DCC: variants seen among roughly 807,000 people sequenced by gnomAD.
DCC encodes the protein DCC netrin 1 receptor, also known as netrin receptor DCC.
Under a neutral mutation model 172.5 loss-of-function variants are expected in DCC, and 58 were observed. The observed-to-expected ratio is 0.34, with a 90% CI of 0.27 to 0.42. The LOEUF (loss-of-function observed/expected upper bound fraction) is 0.42. Ranked by LOEUF, DCC falls within the 10% of genes least tolerant of loss-of-function variation. The pLI is 1.00. For missense variants in DCC, 1,740 were observed against 1,791.0 expected, an observed-to-expected ratio of 0.97 and a Z score of 0.51; for synonymous variants, 709 against 644.5, an observed-to-expected ratio of 1.10 and a Z score of -1.52.
At chr18:52,911,826 A>T (rs1027987053) in intron 3 of DCC, among the ~76,000 whole-genome samples, 2 of 151,966 alleles carry the variant, frequency 1.3e-5, no homozygotes, top group African/African-American at 4.8e-5. Context: ...GGGTATAAAC[A>T]GGGTGCACTT....
chr18:52,963,110 A>G (rs2145572246), intron 5 of DCC, among the ~76,000 whole-genome samples: 1 of 151,952 alleles, frequency 6.6e-6, no homozygotes, highest in East Asian at 1.9e-4. Flanking sequence ...ATTATAATAA[A>G]ATTAAAAAAA....
chr18:52,424,995 T>C (rs979317842), intron 1 of DCC, among the ~76,000 whole-genome samples: 2 of 152,112 alleles, frequency 1.3e-5, no homozygotes, highest in African/African-American at 2.4e-5. Flanking sequence ...ATAGATGGCA[T>C]ACTGGTCAAA....
intron 24 of DCC, 117 bp downstream of exon 24, chr18:53,459,575 A>T: frequency 1.4e-6 from 1 of 733,200 alleles, no homozygotes; most frequent in South Asian, 1.5e-5. Context: ...TGGGTCATTT[A>T]TCAATAGTTA....
intron 12 of DCC, among the ~76,000 whole-genome samples, chr18:53,223,179 T>A (rs2055969942): frequency 6.6e-6 from 1 of 152,170 alleles, no homozygotes; most frequent in African/African-American, 2.4e-5. Flanking sequence ...GAAAACATTT[T>A]CTAGACTTTT....
At position 52,718,928 on chromosome 18, in the gene DCC, A is replaced by T. The variant is rs374538398; in HGVS notation, c.92-33126A>T. 6.6e-5 allele frequency among the ~76,000 whole-genome samples: 10 copies of T among 152,312 alleles called. No individual in the cohort carries two copies. The East Asian group carries it at 1.7e-3, about 27-fold the overall frequency. ...AATTGGATGGCTTAAAACAAGAGAA[A>T]TGTATTCTCTCACAGCTGTGGAGAC... is the stretch of plus-strand genomic sequence containing the variant. On this transcript the variant is annotated intron_variant, in intron 1 of 28. Coordinates refer to ENST00000442544, the MANE Select transcript of DCC (RefSeq NM_005215.4).
intron 5 of DCC, among the ~76,000 whole-genome samples, chr18:52,991,508 C>A (rs2041391775): frequency 6.6e-6 from 1 of 152,106 alleles, no homozygotes; most frequent in Non-Finnish European, 1.5e-5. Flanking sequence ...ATTCTGCCAA[C>A]CCCAATGTCT....
intron 1 of DCC, among the ~76,000 whole-genome samples, chr18:52,517,925 C>A (rs918672027): frequency 1.3e-5 from 2 of 152,106 alleles, no homozygotes; most frequent in Admixed American, 6.5e-5. Flanking sequence ...GCATATTATT[C>A]TTTTAAATTA....
At chr18:53,316,584 C>A (rs997653086) in intron 13 of DCC, among the ~76,000 whole-genome samples, 1 of 151,942 alleles carries the variant, frequency 6.6e-6, no homozygotes, top group African/African-American at 2.4e-5. Context: ...TTCTTCCTAT[C>A]CATGAGCATG....
chr18:53,414,823 G>A (rs983541369), intron 20 of DCC, among the ~76,000 whole-genome samples: 5 of 152,314 alleles, frequency 3.3e-5, no homozygotes, highest in African/African-American at 1.2e-4. Flanking sequence ...ACTCCAGCCT[G>A]GGTGACAGAG....
At chr18:52,831,890 A>G (rs2038620683) in intron 2 of DCC, among the ~76,000 whole-genome samples, 1 of 152,112 alleles carries the variant, frequency 6.6e-6, no homozygotes, top group Non-Finnish European at 1.5e-5. Flanking sequence ...CATGAGGTCT[A>G]TAAAGGAGTA....
chr18:53,505,674 A>G (rs2046164029), intron 27 of DCC, among the ~76,000 whole-genome samples: 1 of 152,212 alleles, frequency 6.6e-6, no homozygotes, highest in African/African-American at 2.4e-5. Flanking sequence ...CGTAAGAGAA[A>G]GTGAAAAATA....
In DCC at chr18:52,922,879, C is replaced by T. The variant is rs375398839; in HGVS notation, c.698-828C>T. ...GGCTTAGAACTTTGTGAATTTTTTG[C>T]TTATTCCACCTGATATAATCTTAGC... On this transcript the variant is annotated intron_variant, in intron 3 of 28. Transcript: ENST00000442544. Among the ~76,000 whole-genome samples, 22 of 152,226 alleles carry T rather than the reference C, an allele frequency of 1.4e-4. 1 individual carries two copies. In the East Asian group the frequency reaches 3.1e-3, roughly 21 times the overall value.
chr18:53,087,599 G>T (rs1488099612), intron 7 of DCC, among the ~76,000 whole-genome samples: 8 of 152,154 alleles, frequency 5.3e-5, no homozygotes, highest in African/African-American at 9.7e-5. Context: ...AGAAGCTCTT[G>T]AGTTTAGTTA....
At chr18:53,258,911 T>A (rs925647374) in intron 12 of DCC, among the ~76,000 whole-genome samples, 1 of 152,188 alleles carries the variant, frequency 6.6e-6, no homozygotes, top group Admixed American at 6.5e-5. Context: ...GGTGCATATA[T>A]GTTTAGGTTA....
intron 21 of DCC, among the ~76,000 whole-genome samples, chr18:53,424,664 T>G (rs1264504477): frequency 6.6e-6 from 1 of 152,104 alleles, no homozygotes; most frequent in Non-Finnish European, 1.5e-5. Flanking sequence ...TGATCCCTTA[T>G]GTAGAGAAAT....
At chr18:52,690,685 G>T (rs997034088) in intron 1 of DCC, among the ~76,000 whole-genome samples, 1 of 152,060 alleles carries the variant, frequency 6.6e-6, no homozygotes, top group Non-Finnish European at 1.5e-5. Context: ...AGACCAAGTG[G>T]CGTGTCCAAA....
At position 52,497,273 on chromosome 18, in the gene DCC, AAAAAAAAATATAT is replaced by A. The variant is rs1430626216; in HGVS notation, c.91+156397_91+156409del. ...GAGACCCTGTATCAAAAAAAAAAAA[AAAAAAAAATATAT>A]ATATATATATATATATATATATATA... is the stretch of plus-strand genomic sequence containing the variant. On this transcript the variant is annotated intron_variant, in intron 1 of 28. Transcript: ENST00000442544. Among the ~76,000 whole-genome samples, 574 of 86,478 alleles carry A rather than the reference AAAAAAAAATATAT, an allele frequency of 6.6e-3. 109 individuals are homozygous for A. The highest frequency in any genetic ancestry group is 0.055 in the Admixed American group (404 of 7,280). The allele number at this position is 86,478 out of a possible 152,430, so 56.7% of individuals were successfully genotyped here.
chr18:53,355,700 A>G (rs534621333), intron 15 of DCC, among the ~76,000 whole-genome samples: 31 of 152,290 alleles, frequency 2.0e-4, no homozygotes, highest in African/African-American at 7.2e-4. Context: ...TAACTATAAA[A>G]TCATGTCATC....
intron 5 of DCC, among the ~76,000 whole-genome samples, chr18:52,981,124 T>C (rs917401192): frequency 3.3e-5 from 5 of 152,262 alleles, no homozygotes; most frequent in African/African-American, 9.6e-5. Flanking sequence ...CTTGAAAATA[T>C]CTTTTAGCTT....
Sources: gnomAD v4.1 joint callset for allele counts (sites outside exome capture counted in the v4.1 genomes callset) on GRCh38, gnomAD v4.1.1 for gene constraint, MANE v1.5 for transcripts, NCBI Gene and HGNC (gene_info 2026-07-23, HGNC 2026-07-21) for gene names.